The following LOC400499 variants were observed in gnomAD, a reference collection of about 807,000 sequenced individuals.
chr16:11,404,936 G>A, the LOC400499 span: 1 of 398,690 alleles, frequency 2.5e-6, no homozygotes, highest in East Asian at 3.6e-5. Flanking sequence ...AAGAAGAGAA[G>A]CTTGCAGAGG....
the LOC400499 span, among the ~76,000 whole-genome samples, chr16:11,436,575 GAA>G: frequency 6.6e-6 from 1 of 151,924 alleles, no homozygotes; most frequent in African/African-American, 2.4e-5. Flanking sequence ...ACAATCACAG[GAA>G]AAGTTTTTTT....
At chr16:11,416,213 G>A in the LOC400499 span, among the ~76,000 whole-genome samples, 1 of 152,074 alleles carries the variant, frequency 6.6e-6, no homozygotes, top group Non-Finnish European at 1.5e-5. Flanking sequence ...GCCTCCCAAA[G>A]TGCTAGGATT....
the LOC400499 span, among the ~76,000 whole-genome samples, chr16:11,503,917 C>CA: frequency 1.3e-5 from 2 of 152,236 alleles, no homozygotes; most frequent in Non-Finnish European, 2.9e-5. Flanking sequence ...ATGTCAGTTC[C>CA]AGGCCTGCTT....
the LOC400499 span, among the ~76,000 whole-genome samples, chr16:11,447,723 C>T: frequency 3.9e-5 from 6 of 152,210 alleles, no homozygotes; most frequent in South Asian, 1.2e-3. Context: ...CTTAACTCTG[C>T]TCCCACCTCA....
the LOC400499 span, chr16:11,425,493 G>A: frequency 2.5e-6 from 1 of 398,888 alleles, no homozygotes. Context: ...AGCTGCTTTG[G>A]AGAGGAGGGA....
At chr16:11,520,707 G>A in the LOC400499 span, among the ~76,000 whole-genome samples, 1 of 149,414 alleles carries the variant, frequency 6.7e-6, no homozygotes, top group African/African-American at 2.5e-5. Context: ...ACCCTTGGGA[G>A]AAGTGACCAA....
At chr16:11,386,077 A>G in the LOC400499 span, among the ~76,000 whole-genome samples, 1 of 152,142 alleles carries the variant, frequency 6.6e-6, no homozygotes, top group East Asian at 1.9e-4. Context: ...TTTAATCTCA[A>G]TGAAGCTGCT....
At chr16:11,470,893 T>C in the LOC400499 span, among the ~76,000 whole-genome samples, 591 of 151,992 alleles carry the variant, frequency 3.9e-3, 4 homozygotes, top group Non-Finnish European at 5.7e-3. Flanking sequence ...CGGGGAAGAG[T>C]GTTCCTGGCA....
the LOC400499 span, among the ~76,000 whole-genome samples, chr16:11,501,173 G>A: frequency 3.3e-5 from 5 of 151,750 alleles, no homozygotes; most frequent in African/African-American, 7.3e-5. Flanking sequence ...CCCAGACCCC[G>A]GCAGCTCTAC....
the LOC400499 span, among the ~76,000 whole-genome samples, chr16:11,444,644 G>A: frequency 6.6e-6 from 1 of 152,166 alleles, no homozygotes; most frequent in African/African-American, 2.4e-5. Flanking sequence ...TCTGGATCCT[G>A]GCATGCAATG....
At chr16:11,387,330 G>A in the LOC400499 span, 10 of 1,230,780 alleles carry the variant, frequency 8.1e-6, no homozygotes, top group Admixed American at 4.2e-5. Context: ...CACTGTGCCT[G>A]CCCGAGCCTT....
At chr16:11,446,529 C>G in the LOC400499 span, 1 of 1,535,216 alleles carries the variant, frequency 6.5e-7, no homozygotes, top group Non-Finnish European at 8.7e-7. Flanking sequence ...GTGCAAAAGT[C>G]TCTGGGGTCT....
chr16:11,521,984 C>G, the LOC400499 span: 1 of 399,348 alleles, frequency 2.5e-6, no homozygotes. Flanking sequence ...CCAAGCACAT[C>G]AAGGACAGCC....
the LOC400499 span, among the ~76,000 whole-genome samples, chr16:11,421,724 C>A: frequency 6.6e-6 from 1 of 152,046 alleles, no homozygotes. Flanking sequence ...CCAGAATAGA[C>A]AAACGCATAG....
the LOC400499 span, chr16:11,448,123 T>G: frequency 7.3e-6 from 11 of 1,507,872 alleles, no homozygotes; most frequent in Non-Finnish European, 8.8e-6. Flanking sequence ...AGGACCAAGC[T>G]GCAGACCTGC....
At chr16:11,431,411 T>C in the LOC400499 span, among the ~76,000 whole-genome samples, 1 of 152,172 alleles carries the variant, frequency 6.6e-6, no homozygotes. Context: ...GAGCTTTTTT[T>C]CATTTTTTTC....
chr16:11,393,382 G>T, the LOC400499 span: 2 of 1,232,212 alleles, frequency 1.6e-6, no homozygotes, highest in Non-Finnish European at 2.0e-6. Context: ...GGACCCAGCT[G>T]CCACTCACCC....
the LOC400499 span, among the ~76,000 whole-genome samples, chr16:11,427,871 T>C: frequency 3.9e-5 from 6 of 152,198 alleles, no homozygotes; most frequent in African/African-American, 9.7e-5. Flanking sequence ...TTATAATCTA[T>C]TTGGGTGTAA....
the LOC400499 span, chr16:11,494,546 C>A: frequency 1.5e-5 from 6 of 398,582 alleles, no homozygotes; most frequent in Non-Finnish European, 2.2e-5. Flanking sequence ...GGCACTGAAG[C>A]CGGTACTCAG....
Sources: gnomAD v4.1 joint callset for allele counts (sites outside exome capture counted in the v4.1 genomes callset) on GRCh38, gnomAD v4.1.1 for gene constraint, MANE v1.5 for transcripts.